RNF125: variants seen among roughly 807,000 people sequenced by gnomAD.
RNF125 encodes the protein E3 ubiquitin-protein ligase RNF125.
RNF125 carries 21 observed loss-of-function variants against 26.0 expected under a neutral mutation model. That is an observed-to-expected ratio of 0.81 (90% CI 0.57 to 1.16). The LOEUF is 1.16. RNF125 is among the 50% of genes most tolerant of loss of function. RNF125 has a pLI of 0.00. For synonymous variants in RNF125, 95 were observed against 109.2 expected, an observed-to-expected ratio of 0.87 and a Z score of 0.81; for missense variants, 270 against 299.4, an observed-to-expected ratio of 0.90 and a Z score of 0.72.
At chr18:32,079,337 A>G in the RNF125 span, among the ~76,000 whole-genome samples, 1 of 152,200 alleles carries the variant, frequency 6.6e-6, no homozygotes, top group Non-Finnish European at 1.5e-5. Flanking sequence ...CAAATGCCCC[A>G]TCTTCAAATA....
intron 5 of RNF125, among the ~76,000 whole-genome samples, chr18:32,067,554 G>A (rs1408494350): frequency 2.6e-5 from 4 of 152,142 alleles, no homozygotes; most frequent in Non-Finnish European, 4.4e-5. Flanking sequence ...AGCAACTTCC[G>A]TGAAGTGAAT....
chr18:32,056,851 CCTT>C (rs1472555710), intron 4 of RNF125, among the ~76,000 whole-genome samples: 11 of 152,094 alleles, frequency 7.2e-5, no homozygotes, highest in African/African-American at 1.9e-4. Context: ...AAATTACAAA[CCTT>C]CTTCCTTACC....
downstream of RNF125, among the ~76,000 whole-genome samples, chr18:32,074,878 G>A (rs917622585): frequency 1.3e-5 from 2 of 152,176 alleles, no homozygotes; most frequent in African/African-American, 4.8e-5. Flanking sequence ...TTTACTTAAA[G>A]TTTGGGATTA....
intron 4 of RNF125, among the ~76,000 whole-genome samples, chr18:32,054,842 A>G (rs1218971688): frequency 6.6e-6 from 1 of 152,196 alleles, no homozygotes; most frequent in Non-Finnish European, 1.5e-5. Flanking sequence ...TAAGATAAAT[A>G]TGATTTGTTC....
intron 4 of RNF125, among the ~76,000 whole-genome samples, chr18:32,046,089 C>T (rs951511068): frequency 3.3e-5 from 5 of 151,598 alleles, no homozygotes; most frequent in African/African-American, 9.7e-5. Flanking sequence ...CATTGGCGGG[C>T]ATGTGTAATC....
chr18:32,090,178 G>GC, the RNF125 span, among the ~76,000 whole-genome samples: 125 of 152,180 alleles, frequency 8.2e-4, no homozygotes, highest in Non-Finnish European at 1.6e-3. Flanking sequence ...CCTGGAAGGC[G>GC]CAGGTTGAAG....
chr18:32,033,612 A>G (rs186252076), intron 1 of RNF125, among the ~76,000 whole-genome samples: 27 of 151,654 alleles, frequency 1.8e-4, no homozygotes, highest in African/African-American at 6.0e-4. Flanking sequence ...CCTGAGGGCG[A>G]GAGTTTGAGA....
rs776679153 is a variant in RNF125 at position 32,066,046 on chromosome 18, T to A, written c.612+37T>A. On this transcript the variant is annotated intron_variant, in intron 5 of 5. Transcript: ENST00000217740. ...TTCTTATTTTTACATTATGTTTTCATGCTGTCTTGTTAAGCTTACCTTTCC... is the reference window on the plus strand; with the variant it reads ...TTCTTATTTTTACATTATGTTTTCAAGCTGTCTTGTTAAGCTTACCTTTCC... The A allele has an allele frequency of 7.5e-6, 10 of 1,334,764 alleles. No individual in the cohort carries two copies. The South Asian group carries it at 1.2e-4, about 16-fold the overall frequency. The allele number at this position is 1,334,764 out of a possible 1,614,324, so 82.7% of individuals were successfully genotyped here. A position where few individuals can be genotyped will look rare whatever the true frequency, so the allele number is the denominator to read the frequency against.
intron 4 of RNF125, among the ~76,000 whole-genome samples, chr18:32,052,975 AAAAAAATTAAGTTCTGACACACTTATTTT>A (rs2039343247): frequency 6.6e-6 from 1 of 152,232 alleles, no homozygotes; most frequent in Non-Finnish European, 1.5e-5. Context: ...AGGGTACCAG[AAAAAAATTAAGTTCTGACACACTTATTTT>A]CTATTAAATA....
chr18:32,074,469 G>A (rs1464570952), downstream of RNF125, among the ~76,000 whole-genome samples: 4 of 152,166 alleles, frequency 2.6e-5, no homozygotes, highest in African/African-American at 9.7e-5. Context: ...GAAAGGAGGG[G>A]TGAAAAGTCA....
rs1469317442 is a variant in RNF125, at chr18:32,072,258, G to GA, written c.*3879dup. 4.2e-4 allele frequency: 64 copies of GA among 152,158 alleles called. No homozygotes were observed. Among genetic ancestry groups the GA allele is most frequent in the African/African-American group, 1.5e-3 (62 of 41,508 alleles). The allele number at this position is 152,158 out of a possible 1,614,324, so 9.4% of individuals were successfully genotyped here. On this transcript the variant is annotated 3_prime_UTR_variant, in exon 6 of 6. Transcript: ENST00000217740. ...TAAAGCAAAATCTGTTGGGAAACGA[G>GA]AAAAAGGAGAGGAATTTTTCAGGAA... is the stretch of plus-strand genomic sequence containing the variant.
In RNF125 at chr18:32,020,017, TGTGTGTGTGTGTGTG is replaced by T. The variant is rs1164654098; in HGVS notation, c.164+991_164+1005del. 5.5e-4 allele frequency among the ~76,000 whole-genome samples: 18 copies of T among 32,970 alleles called. No homozygotes were observed. The South Asian group carries it at 8.3e-3, about 15-fold the overall frequency. 21.6% of individuals were successfully genotyped at this position (32,970 alleles called of 152,430 possible). On this transcript the variant is annotated intron_variant, in intron 1 of 5. Coordinates refer to ENST00000217740, the MANE Select transcript of RNF125 (RefSeq NM_017831.4). The stretch of plus-strand genomic sequence containing the variant: ...TCTCTGTTTACTGTGTGTGTGTGTG[TGTGTGTGTGTGTGTG>T]TTTGAGAGAGAGAGAGAGAGACGTA...
At chr18:32,051,815 G>A (rs1343582766) in intron 4 of RNF125, among the ~76,000 whole-genome samples, 3 of 149,864 alleles carry the variant, frequency 2.0e-5, no homozygotes, top group Non-Finnish European at 3.0e-5. Flanking sequence ...TCAGCCTCCC[G>A]AGTAGCTGGG....
Position 32,069,215 on chromosome 18 carries a change from A to G in RNF125, c.*831A>G, listed in dbSNP as rs1410992747. ...GACTCCATCTCAAAAAAAAAAAAAA[A>G]AAAAATCCATTTAACCAAATTGTCT... On this transcript the variant is annotated 3_prime_UTR_variant, in exon 6 of 6. Coordinates refer to ENST00000217740, the MANE Select transcript of RNF125 (RefSeq NM_017831.4). 1 of 151,986 alleles carries G rather than the reference A, an allele frequency of 6.6e-6. No individual in the cohort carries two copies. Among genetic ancestry groups the G allele is most frequent in the East Asian group, 1.9e-4 (1 of 5,194 alleles). The allele number at this position is 151,986 out of a possible 1,614,324, so 9.4% of individuals were successfully genotyped here.
intron 4 of RNF125, among the ~76,000 whole-genome samples, chr18:32,065,059 A>G (rs2039471559): frequency 6.6e-6 from 1 of 152,242 alleles, no homozygotes; most frequent in African/African-American, 2.4e-5. Context: ...TTATATTGTT[A>G]TGTATGCATA....
chr18:32,063,588 A>G (rs1325691873), intron 4 of RNF125, among the ~76,000 whole-genome samples: 1 of 152,240 alleles, frequency 6.6e-6, no homozygotes, highest in Admixed American at 6.5e-5. Flanking sequence ...TCCTAGAGAA[A>G]TGAAAACTTA....
At chr18:32,073,453 C>T (rs559676352), downstream of RNF125, among the ~76,000 whole-genome samples, 17 of 152,298 alleles carry the variant, frequency 1.1e-4, no homozygotes, top group African/African-American at 3.6e-4. Context: ...CAGCATTCTA[C>T]AGTGCACAAG....
At chr18:32,025,958 G>C (rs1326382550) in intron 1 of RNF125, among the ~76,000 whole-genome samples, 1 of 151,892 alleles carries the variant, frequency 6.6e-6, no homozygotes, top group Non-Finnish European at 1.5e-5. Context: ...AAAAGGTCTA[G>C]TTGACTAAGA....
chr18:32,053,875 C>A (rs917875460), intron 4 of RNF125, among the ~76,000 whole-genome samples: 1 of 151,884 alleles, frequency 6.6e-6, no homozygotes. Context: ...TTATTGAAAA[C>A]CCTGGTAAGG....
Sources: allele counts gnomAD v4.1 joint callset (sites outside exome capture counted in the v4.1 genomes callset), GRCh38; gene constraint gnomAD v4.1.1; transcripts MANE v1.5; gene names NCBI Gene and HGNC (gene_info 2026-07-23, HGNC 2026-07-21).